PRTFDC1: variants seen among roughly 807,000 people sequenced by gnomAD.
PRTFDC1 encodes phosphoribosyl transferase domain containing 1, also known as phosphoribosyltransferase domain-containing protein 1.
PRTFDC1 carries 38 observed loss-of-function variants against 34.6 expected under a neutral mutation model. The ratio of observed to expected loss-of-function variants is 1.10; its 90% CI spans 0.85 to 1.44. PRTFDC1 has a LOEUF of 1.44. Among genes scored for constraint, PRTFDC1 ranks in the 40% most tolerant of loss-of-function variants. The probability of loss-of-function intolerance (pLI) is 0.00; values close to 1 mark genes in which losing one functional copy is unlikely to be tolerated. For synonymous variants in PRTFDC1, 93 were observed against 98.1 expected (o/e 0.95, Z 0.31); for missense variants, 270 against 283.0 (o/e 0.95, Z 0.33).
At chr10:24,882,212 A>AAAAAG (rs1012571671) in intron 3 of PRTFDC1, among the ~76,000 whole-genome samples, 2 of 150,182 alleles carry the variant, frequency 1.3e-5, no homozygotes, top group Non-Finnish European at 3.0e-5. Context: ...CTCAAAAAAA[A>AAAAAG]AAAAAAAGAA....
chr10:24,920,918 A>G (rs1290352952), intron 3 of PRTFDC1, among the ~76,000 whole-genome samples: 1 of 152,186 alleles, frequency 6.6e-6, no homozygotes, highest in African/African-American at 2.4e-5. Flanking sequence ...ATTACTAACA[A>G]TTCTGTTACA....
At chr10:24,872,169 T>C in intron 3 of PRTFDC1, 106 bp from the exon 4 acceptor site, 1 of 958,108 alleles carries the variant, frequency 1.0e-6, no homozygotes, top group Non-Finnish European at 1.6e-6. Context: ...GCCTTACAAA[T>C]ATAGCACAAA....
At chr10:24,903,187 C>T (rs573437713) in intron 3 of PRTFDC1, among the ~76,000 whole-genome samples, 7 of 152,114 alleles carry the variant, frequency 4.6e-5, no homozygotes, top group African/African-American at 1.7e-4. Context: ...GCCTGGGTGA[C>T]AGGAGTGAAA....
At chr10:24,854,162 A>G (rs901732309) in intron 7 of PRTFDC1, among the ~76,000 whole-genome samples, 1 of 152,240 alleles carries the variant, frequency 6.6e-6, no homozygotes, top group Non-Finnish European at 1.5e-5. Context: ...TATAAGTGAT[A>G]TAAGAAATTT....
intron 4 of PRTFDC1, among the ~76,000 whole-genome samples, chr10:24,862,827 T>C (rs1166248280): frequency 1.3e-5 from 2 of 152,204 alleles, no homozygotes; most frequent in Admixed American, 6.6e-5. Context: ...ACTTTCATTG[T>C]CATTGTGGTT....
At chr10:24,902,393 T>C (rs1302100165) in intron 3 of PRTFDC1, among the ~76,000 whole-genome samples, 1 of 152,190 alleles carries the variant, frequency 6.6e-6, no homozygotes, top group African/African-American at 2.4e-5. Context: ...TCAGTACAGT[T>C]GATCATCTTG....
intron 3 of PRTFDC1, among the ~76,000 whole-genome samples, chr10:24,923,756 C>T (rs139882684): frequency 5.9e-5 from 9 of 152,260 alleles, no homozygotes; most frequent in African/African-American, 2.2e-4. Context: ...TCCAAAGGAT[C>T]GCAGCTCCTC....
At chr10:24,855,984 C>T (rs1480842008) in intron 6 of PRTFDC1, among the ~76,000 whole-genome samples, 4 of 150,840 alleles carry the variant, frequency 2.7e-5, no homozygotes, top group African/African-American at 9.8e-5. Flanking sequence ...CATGGTGGTA[C>T]GTGTCTGCAG....
At chr10:24,914,400 AAC>A (rs1487687368) in intron 3 of PRTFDC1, among the ~76,000 whole-genome samples, 14 of 152,190 alleles carry the variant, frequency 9.2e-5, no homozygotes. Flanking sequence ...GAATAAAGCC[AAC>A]ACCCATGTGT....
intron 3 of PRTFDC1, among the ~76,000 whole-genome samples, chr10:24,892,668 A>G (rs530026962): frequency 4.5e-4 from 68 of 152,216 alleles, no homozygotes; most frequent in African/African-American, 1.6e-3. Context: ...CTCCTAACTC[A>G]ACAATTCAAA....
At chr10:24,907,212 T>A (rs1233271241) in intron 3 of PRTFDC1, among the ~76,000 whole-genome samples, 1 of 149,098 alleles carries the variant, frequency 6.7e-6, no homozygotes, top group Non-Finnish European at 1.5e-5. Flanking sequence ...ACCCTGTCTC[T>A]AAAAAAAAAA....
At chr10:24,943,348 A>G (rs542704518) in intron 1 of PRTFDC1, among the ~76,000 whole-genome samples, 1 of 152,208 alleles carries the variant, frequency 6.6e-6, no homozygotes, top group East Asian at 1.9e-4. Flanking sequence ...CTATTCACAT[A>G]GTGGATGGAC....
At chr10:24,891,875 G>T (rs1039801501) in intron 3 of PRTFDC1, among the ~76,000 whole-genome samples, 2 of 152,162 alleles carry the variant, frequency 1.3e-5, no homozygotes, top group South Asian at 2.1e-4. Flanking sequence ...TGGGCCCTAC[G>T]ATTGCCTCAG....
intron 3 of PRTFDC1, among the ~76,000 whole-genome samples, chr10:24,885,655 C>G (rs187784243): frequency 6.6e-6 from 1 of 152,330 alleles, no homozygotes; most frequent in East Asian, 1.9e-4. Context: ...ATCTGCCTGC[C>G]TCGGCTTCCC....
chr10:24,951,254 G>A (rs1301528578), intron 1 of PRTFDC1, among the ~76,000 whole-genome samples: 1 of 151,924 alleles, frequency 6.6e-6, no homozygotes, highest in Non-Finnish European at 1.5e-5. Context: ...CCTCTATCCT[G>A]TTACCCTCCT....
At chr10:24,879,019 A>G (rs1257340716) in intron 3 of PRTFDC1, among the ~76,000 whole-genome samples, 1 of 152,224 alleles carries the variant, frequency 6.6e-6, no homozygotes, top group Non-Finnish European at 1.5e-5. Context: ...GATGCAAAAC[A>G]GAGTCAGAAA....
intron 3 of PRTFDC1, among the ~76,000 whole-genome samples, chr10:24,888,451 C>G (rs1180460426): frequency 1.3e-5 from 2 of 152,150 alleles, no homozygotes; most frequent in Non-Finnish European, 2.9e-5. Flanking sequence ...GATAAAATGT[C>G]TATTGGATTG....
chr10:24,898,576 C>T (rs1166995384), intron 3 of PRTFDC1, among the ~76,000 whole-genome samples: 5 of 151,982 alleles, frequency 3.3e-5, no homozygotes, highest in African/African-American at 1.2e-4. Context: ...TTCGGGTCTC[C>T]CTCTCCTTTT....
chr10:24,865,750 C>T (rs1310791599), intron 4 of PRTFDC1, among the ~76,000 whole-genome samples: 2 of 152,104 alleles, frequency 1.3e-5, no homozygotes, highest in African/African-American at 4.8e-5. Flanking sequence ...ATTTGCACAC[C>T]ACACCGTCTC....
Sources: gnomAD v4.1 joint callset for allele counts (sites outside exome capture counted in the v4.1 genomes callset) on GRCh38, gnomAD v4.1.1 for gene constraint, MANE v1.5 for transcripts, NCBI Gene and HGNC (gene_info 2026-07-23, HGNC 2026-07-21) for gene names.